PLEKHG4: variants seen among roughly 807,000 people sequenced by gnomAD.
PLEKHG4 encodes puratrophin-1.
A neutral mutation model predicts 136.9 loss-of-function variants in PLEKHG4; 85 were observed. The observed-to-expected ratio is 0.62, with a 90% CI of 0.52 to 0.74. The LOEUF is 0.74. Among genes scored for constraint, PLEKHG4 ranks in the 30% least tolerant of loss-of-function variants. The pLI, the probability that PLEKHG4 is intolerant of heterozygous loss-of-function variation, is 0.00. For missense variants in PLEKHG4, 1,317 were observed against 1,527.8 expected, an observed-to-expected ratio of 0.86 and a Z score of 2.30; for synonymous variants, 577 against 646.9, an observed-to-expected ratio of 0.89 and a Z score of 1.64.
rs770224196 is a variant in PLEKHG4 at position 67,281,037 on chromosome 16, G to C, written c.719+32G>C. ...GGGAGGGGGTTGGGAGACTGAGCCT[G>C]AGCCAGCTGTGAGGACTGGGAGTCA... On this transcript the variant is annotated intron_variant, in intron 4 of 21. Transcript: ENST00000379344. The C allele has an allele frequency of 2.4e-5, 38 of 1,614,070 alleles. No homozygotes were observed. The South Asian group carries it at 4.2e-4, about 18-fold the overall frequency.
chr16:67,288,511 G>A lies in PLEKHG4; in HGVS notation c.3477G>A (p.Ser1159=), dbSNP rs11556908. The change falls in exon 21 of 22, where the codon TCG becomes TCA. Residue 1159 remains serine, a synonymous_variant. Coordinates refer to ENST00000379344, the MANE Select transcript of PLEKHG4 (RefSeq NM_001129729.3). ...PSLTAEDSEI[S]SQCPSASGSS... is the part of the protein sequence containing the mutation. ...TAGCTGCTGAGGACTCAGAGATCTCGTCCCAATGCCCATCAGCCAGTGGCT... is the reference window on the plus strand; with the variant it reads ...TAGCTGCTGAGGACTCAGAGATCTCATCCCAATGCCCATCAGCCAGTGGCT... 0.031 allele frequency: 49,974 copies of A among 1,614,046 alleles called. 893 individuals are homozygous for A. The highest frequency in any genetic ancestry group is 0.039 in the Admixed American group (2,350 of 60,032).
Position 67,285,538 on chromosome 16 carries a change from T to G in PLEKHG4, c.2442+2T>G. On this transcript the variant is annotated splice_donor_variant, in intron 14 of 21. Transcript: ENST00000379344. LOFTEE classifies it high-confidence loss of function. ...GTGGCCTATGCCTTCCTGCGCCATGTAAGCCCGACAGGCCATGTGGTATCA... is the reference window on the plus strand; with the variant it reads ...GTGGCCTATGCCTTCCTGCGCCATGGAAGCCCGACAGGCCATGTGGTATCA... The G allele has an allele frequency of 1.9e-6, 3 of 1,606,136 alleles. No homozygotes were observed. In the East Asian group the frequency reaches 6.7e-5, roughly 36 times the overall value.
In PLEKHG4 at chr16:67,285,354, A is replaced by G. The variant is rs145971126; in HGVS notation, c.2260A>G (p.Thr754Ala). Residue 754 changes from threonine to alanine, a missense_variant, in exon 14 of 22, where the codon ACT (threonine) becomes GCT (alanine). Physicochemically the swap from Thr to Ala is moderately conservative, Grantham distance 58. Transcript: ENST00000379344. ...EREYVRALEY[T>A]MENYFPELDR... Reference sequence around the variant, plus strand: ...GGAGTATGTCCGGGCTCTAGAGTACACTATGGAGAACTATTTCCCCGAGCT... The same window carrying G: ...GGAGTATGTCCGGGCTCTAGAGTACGCTATGGAGAACTATTTCCCCGAGCT... 1.4e-3 allele frequency: 2,181 copies of G among 1,614,172 alleles called. 34 individuals carry two copies. In the Admixed American group the frequency reaches 0.032, roughly 24 times the overall value.
At position 67,288,600 on chromosome 16, in the gene PLEKHG4, C is replaced by A; in HGVS notation, c.3566C>A (p.Pro1189His). 1 of 1,614,082 alleles carries A rather than the reference C, an allele frequency of 6.2e-7. No homozygotes were observed. The highest frequency in any genetic ancestry group is 8.5e-7 in the Non-Finnish European group (1 of 1,179,924). The change falls in exon 21 of 22, where the codon CCC becomes CAC. Residue 1189 changes from proline to histidine, a missense_variant. Coordinates refer to ENST00000379344, the MANE Select transcript of PLEKHG4 (RefSeq NM_001129729.3). Reference protein sequence around the residue: ...QALGRGLEDLPCV With the variant: ...QALGRGLEDLHCV Reference sequence around the variant, plus strand: ...CTGGGTAGGGGCCTGGAGGACTTACCCTGTGTGAGTGCCATTTGCCCTATA... The same window carrying A: ...CTGGGTAGGGGCCTGGAGGACTTACACTGTGTGAGTGCCATTTGCCCTATA...
In PLEKHG4 at chr16:67,284,698, G is replaced by A; in HGVS notation, c.1693-15G>A. ...AGGATCTTCCTCTAATGCTTGTCCG[G>A]CCCTGGTGTTGCAGGCCTTGACGTG... On this transcript the variant is annotated splice_polypyrimidine_tract_variant and intron_variant, in intron 12 of 21. Coordinates refer to ENST00000379344, the MANE Select transcript of PLEKHG4 (RefSeq NM_001129729.3). The surrounding 1 kb of genome is among the most constrained non-coding windows in gnomAD (Gnocchi z 4.4). 6.2e-7 allele frequency: 1 copy of A among 1,612,940 alleles called. No individual in the cohort carries two copies. Among genetic ancestry groups the A allele is most frequent in the Non-Finnish European group, 8.5e-7 (1 of 1,179,728 alleles).
intron 9 of PLEKHG4, 23 bp downstream of exon 9, chr16:67,282,372 G>T (rs764245043): frequency 3.2e-5 from 51 of 1,611,000 alleles, no homozygotes; most frequent in Non-Finnish European, 4.2e-5. Flanking sequence ...CCGGCCCCCA[G>T]ATCTTGCCCC....
rs760953204 is a variant in PLEKHG4 at position 67,286,262 on chromosome 16, A to G, written c.2443-12A>G. ...CCCCTTTGCACTGGGGCTGAGCCAC[A>G]TGTCCTTGTAGAGGGTGCAGTTTGG... On this transcript the variant is annotated splice_polypyrimidine_tract_variant and intron_variant, in intron 14 of 21. Transcript: ENST00000379344. The G allele has an allele frequency of 6.2e-7, 1 of 1,603,422 alleles. No individual in the cohort carries two copies. Among genetic ancestry groups the G allele is most frequent in the African/African-American group, 1.3e-5 (1 of 74,632 alleles).
Position 67,289,010 on chromosome 16 carries a change from C to G in PLEKHG4, c.*202C>G, listed in dbSNP as rs1444364049. The G allele has an allele frequency of 8.9e-6, 6 of 675,854 alleles. No homozygotes were observed. Among genetic ancestry groups the G allele is most frequent in the Non-Finnish European group, 1.6e-5 (6 of 372,150 alleles). 41.9% of individuals were successfully genotyped at this position (675,854 alleles called of 1,614,324 possible). A position where few individuals can be genotyped will look rare whatever the true frequency, so the allele number is the denominator to read the frequency against. ...TCTCTAGGGAAGTCTGGTTGTAGAG[C>G]CTGAATAGGCTCCTGGCCCCATGAC... On this transcript the variant is annotated 3_prime_UTR_variant, in exon 22 of 22. Transcript: ENST00000379344.
At position 67,286,300 on chromosome 16, in the gene PLEKHG4, C is replaced by G; in HGVS notation, c.2469C>G (p.Leu823=). 1 of 1,613,932 alleles carries G rather than the reference C, an allele frequency of 6.2e-7. No homozygotes were observed. Among genetic ancestry groups the G allele is most frequent in the Non-Finnish European group, 8.5e-7 (1 of 1,179,830 alleles). Residue 823 remains leucine (L), a synonymous_variant, in exon 15 of 22, where the codon CTC becomes CTG. Transcript: ENST00000379344. ...GGGTGCAGTTTGGGATGTACGCGCT[C>G]TACAGCAAGAATAAGCCTCGCTCCG... ...RHRVQFGMYA[L]YSKNKPRSDA...
rs997209161 is a variant in PLEKHG4, at chr16:67,285,006, G to A, written c.1986G>A (p.Gln662=). ...GCACAGCTAGCCTGTGTGTCAGCCA[G>A]GTCCCCGCTGCACCTGCCCACCCTC... ...VGSTASLCVS[Q]VPAAPAHPPL... Residue 662 remains glutamine, a synonymous_variant, in exon 13 of 22, where the codon CAG becomes CAA. Transcript: ENST00000379344. 6.2e-7 allele frequency: 1 copy of A among 1,613,492 alleles called. No homozygotes were observed. Among genetic ancestry groups the A allele is most frequent in the African/African-American group, 1.3e-5 (1 of 74,940 alleles).
In PLEKHG4 at chr16:67,285,127, C is replaced by T. The variant is rs762613117; in HGVS notation, c.2107C>T (p.Arg703Cys). The change falls in exon 13 of 22, where the codon CGC (arginine) becomes TGC (cysteine). Residue 703 changes from arginine (R) to cysteine (C), a missense_variant. Arg to Cys is a radical substitution (Grantham distance 180, BLOSUM62 -3). Coordinates refer to ENST00000379344, the MANE Select transcript of PLEKHG4 (RefSeq NM_001129729.3). Reference protein sequence around the residue: ...CHHAATIAACRRPEAGGGALP... With the variant: ...CHHAATIAACCRPEAGGGALP... ...CCATGCGGCCACTATTGCTGCCTGC[C>T]GCAGACCAGAGGCTGGAGGAGGTGC... The T allele has an allele frequency of 6.8e-6, 11 of 1,613,336 alleles. No individual in the cohort carries two copies. The highest frequency in any genetic ancestry group is 2.2e-5 in the East Asian group (1 of 44,888).
At position 67,279,976 on chromosome 16, in the gene PLEKHG4, A is replaced by T. The variant is rs1229346338; in HGVS notation, c.-69A>T. On this transcript the variant is annotated 5_prime_UTR_variant, in exon 2 of 22. Transcript: ENST00000379344. ...CACTGAGTCCCACTCGACTGTCTTC[A>T]GCGCGGTTCACACTGAGACCCAGCC... 6.6e-7 allele frequency: 1 copy of T among 1,516,280 alleles called. No homozygotes were observed. Among genetic ancestry groups the T allele is most frequent in the Non-Finnish European group, 9.0e-7 (1 of 1,112,860 alleles). 93.9% of individuals were successfully genotyped at this position (1,516,280 alleles called of 1,614,324 possible).
In PLEKHG4 at chr16:67,284,388, C is replaced by A. The variant is rs1228927892; in HGVS notation, c.1623C>A (p.Phe541Leu). ...FLALRAQLTE[F>L]SRALAQRCQR... ...CCCTGCGAGCCCAGCTGACTGAATT[C>A]TCTAGGGCTTTGGCCCAGCGGTGCC... Residue 541 changes from phenylalanine (F) to leucine (L), a missense_variant, in exon 12 of 22, where the codon TTC (phenylalanine) becomes TTA (leucine). Coordinates refer to ENST00000379344, the MANE Select transcript of PLEKHG4 (RefSeq NM_001129729.3). This position sits in a 1 kb window ranked among gnomAD's most constrained non-coding sequence, Gnocchi z 4.4. 2 of 1,614,020 alleles carry A rather than the reference C, an allele frequency of 1.2e-6. No homozygotes were observed. Among genetic ancestry groups the A allele is most frequent in the East Asian group, 2.2e-5 (1 of 44,888 alleles).
At chr16:67,283,985 G>C (rs955971457) in intron 11 of PLEKHG4, among the ~76,000 whole-genome samples, 12 of 152,190 alleles carry the variant, frequency 7.9e-5, no homozygotes, top group African/African-American at 2.9e-4. Flanking sequence ...GCTGAATGAC[G>C]CTGAGAGTTG....
chr16:67,281,720 G>A lies in PLEKHG4; in HGVS notation c.892-4G>A. On this transcript the variant is annotated splice_polypyrimidine_tract_variant and splice_region_variant and intron_variant, in intron 6 of 21. Coordinates refer to ENST00000379344, the MANE Select transcript of PLEKHG4 (RefSeq NM_001129729.3). ...CTGGGTCACAACACCTTCTTCTCCTGTAGCTGGAGCAGTTGCCTTCTCAGA... is the reference window on the plus strand; with the variant it reads ...CTGGGTCACAACACCTTCTTCTCCTATAGCTGGAGCAGTTGCCTTCTCAGA... The A allele has an allele frequency of 1.2e-6, 2 of 1,614,058 alleles. No homozygotes were observed. Among genetic ancestry groups the A allele is most frequent in the Non-Finnish European group, 1.7e-6 (2 of 1,179,948 alleles).
chr16:67,282,920 C>T, intron 11 of PLEKHG4, 62 bp downstream of exon 11: 4 of 1,169,548 alleles, frequency 3.4e-6, no homozygotes, highest in Non-Finnish European at 5.2e-6. Flanking sequence ...ACTAGGAATG[C>T]AGAACTGTGT....
At chr16:67,282,692 C>T in intron 10 of PLEKHG4, 50 bp from the exon 11 acceptor site, 1 of 1,613,462 alleles carries the variant, frequency 6.2e-7, no homozygotes, top group South Asian at 1.1e-5. Context: ...AGACGTGAGC[C>T]CCCAGTCCAT....
chr16:67,286,417 C>G lies in PLEKHG4; in HGVS notation c.2533-28C>G, dbSNP rs759785563. ...GGGGATGCGGGGAGTGCCCCCAAACCACTCAGTGGCCTCCCATCCGCCCAC... is the reference window on the plus strand; with the variant it reads ...GGGGATGCGGGGAGTGCCCCCAAACGACTCAGTGGCCTCCCATCCGCCCAC... On this transcript the variant is annotated intron_variant, in intron 15 of 21. Coordinates refer to ENST00000379344, the MANE Select transcript of PLEKHG4 (RefSeq NM_001129729.3). 1.9e-6 allele frequency: 3 copies of G among 1,610,472 alleles called. No individual in the cohort carries two copies. The South Asian group carries it at 3.3e-5, about 18-fold the overall frequency.
rs760011809 is a variant in PLEKHG4, at chr16:67,285,327, C to T, written c.2233C>T (p.Arg745Trp). The change falls in exon 14 of 22, where the codon CGG (arginine) becomes TGG (tryptophan). Residue 745 changes from arginine to tryptophan, a missense_variant. Coordinates refer to ENST00000379344, the MANE Select transcript of PLEKHG4 (RefSeq NM_001129729.3). ...LVLAEMVATEREYVRALEYTM... is the reference protein window; with the variant it reads ...LVLAEMVATEWEYVRALEYTM... ...GCTGGCAGAGATGGTGGCCACGGAGCGGGAGTATGTCCGGGCTCTAGAGTA... is the reference window on the plus strand; with the variant it reads ...GCTGGCAGAGATGGTGGCCACGGAGTGGGAGTATGTCCGGGCTCTAGAGTA... The T allele has an allele frequency of 2.1e-5, 34 of 1,614,026 alleles. No homozygotes were observed. Among genetic ancestry groups the T allele is most frequent in the Non-Finnish European group, 2.6e-5 (31 of 1,180,032 alleles).
Sources: gnomAD v4.1 joint callset for allele counts (sites outside exome capture counted in the v4.1 genomes callset) on GRCh38, gnomAD v4.1.1 for gene constraint, Gnocchi (gnomAD v3.1) non-coding constraint, MANE v1.5 for transcripts, NCBI Gene and HGNC (gene_info 2026-07-23, HGNC 2026-07-21) for gene names.